Variants in BAG2 observed in about 807,000 individuals in gnomAD.
The protein encoded by BAG2 is BAG family molecular chaperone regulator 2.
In BAG2, 8 loss-of-function variants were observed where a neutral mutation model predicts 16.4. The observed-to-expected ratio is 0.49, with a 90% CI of 0.29 to 0.88. BAG2 has a LOEUF of 0.88. Ranked by LOEUF, BAG2 falls within the 40% of genes least tolerant of loss-of-function variation. The pLI is 0.09. For synonymous variants in BAG2, 82 were observed against 89.2 expected, an observed-to-expected ratio of 0.92 and a Z score of 0.46; for missense variants, 218 against 248.9, an observed-to-expected ratio of 0.88 and a Z score of 0.84.
rs928017845 is a variant in BAG2, at chr6:57,182,201, A to C, written c.223+60A>C. On this transcript the variant is annotated intron_variant, in intron 2 of 2. Transcript: ENST00000370693. ...TACACTCCTTTAAAGAGTTTATGAT[A>C]AGTGTGGGTCAATTTTTGCTTGACT... The C allele has an allele frequency of 7.4e-6, 11 of 1,485,464 alleles. No individual in the cohort carries two copies. In the African/African-American group the frequency reaches 1.5e-4, roughly 21 times the overall value. The allele number at this position is 1,485,464 out of a possible 1,614,324, so 92.0% of individuals were successfully genotyped here. A position where few individuals can be genotyped will look rare whatever the true frequency, so the allele number is the denominator to read the frequency against.
chr6:57,183,959 A>T lies in BAG2; in HGVS notation c.405A>T (p.Leu135Phe), dbSNP rs1356383500. The change falls in exon 3 of 3, where the codon TTA becomes TTT. Residue 135 changes from leucine to phenylalanine, a missense_variant. Physicochemically the swap from Leu to Phe is conservative, Grantham distance 22. Transcript: ENST00000370693. The part of the protein sequence containing the change: ...LDDLGNAKSH[L>F]MSLYSACSSE... ...ATTTGGGAAATGCCAAGAGTCATTT[A>T]ATGTCGCTCTACAGTGCATGTTCAT... is the stretch of plus-strand genomic sequence containing the variant. 1.2e-6 allele frequency: 2 copies of T among 1,613,806 alleles called. No homozygotes were observed. The highest frequency in any genetic ancestry group is 2.7e-5 in the African/African-American group (2 of 74,922).
intron 1 of BAG2, among the ~76,000 whole-genome samples, chr6:57,181,017 A>C (rs192830152): frequency 2.0e-4 from 30 of 152,364 alleles, no homozygotes; most frequent in African/African-American, 7.2e-4. Context: ...GGAAAACACA[A>C]GTTAACACTG....
intron 1 of BAG2, among the ~76,000 whole-genome samples, chr6:57,179,971 A>T (rs568471042): frequency 6.6e-6 from 1 of 152,058 alleles, no homozygotes; most frequent in African/African-American, 2.4e-5. Flanking sequence ...AAAAAAAAAA[A>T]GTAATAGGAT....
chr6:57,188,888 TAGG>T lies in BAG2; in HGVS notation c.*4703_*4705del, dbSNP rs755092368. The T allele has an allele frequency of 6.6e-6, 1 of 152,062 alleles. No homozygotes were observed. The highest frequency in any genetic ancestry group is 1.5e-5 in the Non-Finnish European group (1 of 67,990). 9.4% of individuals were successfully genotyped at this position (152,062 alleles called of 1,614,324 possible). ...CCAGGAAATTTGATTTTCTCAACAT[TAGG>T]AGGATGAGGGGAGTACAGATGGAAA... is the stretch of plus-strand genomic sequence containing the variant. On this transcript the variant is annotated 3_prime_UTR_variant, in exon 3 of 3. Coordinates refer to ENST00000370693, the MANE Select transcript of BAG2 (RefSeq NM_004282.4).
Position 57,183,796 on chromosome 6 carries a change from A to C in BAG2, c.242A>C (p.Asn81Thr), listed in dbSNP as rs1362330168. The C allele has an allele frequency of 6.3e-7, 1 of 1,583,280 alleles. No individual in the cohort carries two copies. Among genetic ancestry groups the C allele is most frequent in the Non-Finnish European group, 8.6e-7 (1 of 1,166,324 alleles). Reference sequence around the variant, plus strand: ...TTTTTAGGAGAAAGAGAAGAATTAAATCTGACTGCAAACCGTTTGATGGGA... The same window carrying C: ...TTTTTAGGAGAAAGAGAAGAATTAACTCTGACTGCAAACCGTTTGATGGGA... ...QISDGEREEL[N>T]LTANRLMGRT... is the part of the protein sequence containing the mutation. Residue 81 changes from asparagine (N) to threonine (T), a missense_variant, in exon 3 of 3, where the codon AAT becomes ACT. By Grantham distance (65) the Asn-to-Thr change is moderately conservative. Transcript: ENST00000370693.
intron 1 of BAG2, 40 bp from the exon 2 acceptor site, chr6:57,181,991 TC>T: frequency 6.5e-7 from 1 of 1,539,118 alleles, no homozygotes; most frequent in Non-Finnish European, 9.0e-7. Flanking sequence ...AGGAAGAACA[TC>T]CTGCATACAA....
chr6:57,179,372 T>C (rs1274491851), intron 1 of BAG2, among the ~76,000 whole-genome samples: 1 of 152,214 alleles, frequency 6.6e-6, no homozygotes, highest in African/African-American at 2.4e-5. Flanking sequence ...CTTTGACATA[T>C]ATTTAATATC....
Position 57,172,479 on chromosome 6 carries a change from C to A in BAG2, c.-219C>A. On this transcript the variant is annotated 5_prime_UTR_variant, in exon 1 of 3. Coordinates refer to ENST00000370693, the MANE Select transcript of BAG2 (RefSeq NM_004282.4). ...AACTCCAGCCGCTGCAGCCCCCTCC[C>A]AGGCCCGGCGTCCCCGAGCCCCGCG... 5.1e-6 allele frequency: 2 copies of A among 391,252 alleles called. No individual in the cohort carries two copies. The highest frequency in any genetic ancestry group is 4.8e-5 in the Admixed American group (1 of 20,848). The allele number at this position is 391,252 out of a possible 1,614,324, so 24.2% of individuals were successfully genotyped here.
chr6:57,173,349 A>T, intron 1 of BAG2: 1 of 985,436 alleles, frequency 1.0e-6, no homozygotes, highest in Non-Finnish European at 1.2e-6. Context: ...AAGATTAGAC[A>T]GGAGTGAGGG....
intron 2 of BAG2, among the ~76,000 whole-genome samples, chr6:57,183,166 C>T (rs1220947908): frequency 6.6e-6 from 1 of 152,138 alleles, no homozygotes; most frequent in Non-Finnish European, 1.5e-5. Context: ...CGCTATCCTG[C>T]CCAAAGATCA....
Position 57,184,267 on chromosome 6 carries a change from CTTT to C in BAG2, c.*78_*80del. 1 of 1,311,130 alleles carries C rather than the reference CTTT, an allele frequency of 7.6e-7. No homozygotes were observed. 81.2% of individuals were successfully genotyped at this position (1,311,130 alleles called of 1,614,324 possible). On this transcript the variant is annotated 3_prime_UTR_variant, in exon 3 of 3. Transcript: ENST00000370693. ...ATACTATTTTAATTGATAACTAGTT[CTTT>C]GTTAGGTATAACCACTTAGTTGACA...
intron 2 of BAG2, 78 bp downstream of exon 2, chr6:57,182,219 G>C: frequency 7.3e-7 from 1 of 1,366,468 alleles, no homozygotes; most frequent in Non-Finnish European, 1.0e-6. Flanking sequence ...GTCAATTTTT[G>C]CTTGACTTTT....
At chr6:57,181,432 C>T (rs1346281970) in intron 1 of BAG2, among the ~76,000 whole-genome samples, 1 of 152,162 alleles carries the variant, frequency 6.6e-6, no homozygotes, top group East Asian at 1.9e-4. Flanking sequence ...TGGCTCACAC[C>T]TGTAATCCCA....
chr6:57,186,581 AC>A lies in BAG2; in HGVS notation c.*2392del, dbSNP rs1764618870. On this transcript the variant is annotated 3_prime_UTR_variant, in exon 3 of 3. Transcript: ENST00000370693. ...TCTGCCTGCCTTGGCCTCCCAAAGT[AC>A]AGGGATTACAGGCATGAGCCACCAC... The A allele has an allele frequency of 6.6e-6, 1 of 152,186 alleles. No homozygotes were observed. Among genetic ancestry groups the A allele is most frequent in the Non-Finnish European group, 1.5e-5 (1 of 68,042 alleles). 9.4% of individuals were successfully genotyped at this position (152,186 alleles called of 1,614,324 possible).
chr6:57,188,386 T>TAAA lies in BAG2; in HGVS notation c.*4198_*4200dup, dbSNP rs1463931158. On this transcript the variant is annotated 3_prime_UTR_variant, in exon 3 of 3. Coordinates refer to ENST00000370693, the MANE Select transcript of BAG2 (RefSeq NM_004282.4). The stretch of plus-strand genomic sequence containing the variant: ...TTAAAAAAAGATAAAACTAGGTACA[T>TAAA]AAAATTATATTACAGGAACTGTAAC... The TAAA allele has an allele frequency of 6.6e-6, 1 of 152,150 alleles. No homozygotes were observed. The highest frequency in any genetic ancestry group is 1.5e-5 in the Non-Finnish European group (1 of 67,996). The allele number at this position is 152,150 out of a possible 1,614,324, so 9.4% of individuals were successfully genotyped here.
intron 2 of BAG2, among the ~76,000 whole-genome samples, chr6:57,182,530 CAAAAAAA>C (rs758049333): frequency 2.4e-5 from 1 of 41,608 alleles, no homozygotes; most frequent in South Asian, 7.7e-4. Context: ...AAGTAGAGAC[CAAAAAAA>C]AAAAAAAAAA....
At position 57,184,759 on chromosome 6, in the gene BAG2, A is replaced by G. The variant is rs1489922877; in HGVS notation, c.*569A>G. 3 of 152,664 alleles carry G rather than the reference A, an allele frequency of 2.0e-5. No individual in the cohort carries two copies. Among genetic ancestry groups the G allele is most frequent in the Non-Finnish European group, 2.9e-5 (2 of 68,034 alleles). 9.5% of individuals were successfully genotyped at this position (152,664 alleles called of 1,614,324 possible). A position where few individuals can be genotyped will look rare whatever the true frequency, so the allele number is the denominator to read the frequency against. ...ATAATATGAATGTATTTTTTGATAT[A>G]CAAGAAACTGACATAAAATGTGAGA... On this transcript the variant is annotated 3_prime_UTR_variant, in exon 3 of 3. Coordinates refer to ENST00000370693, the MANE Select transcript of BAG2 (RefSeq NM_004282.4).
Position 57,172,493 on chromosome 6 carries a change from C to G in BAG2, c.-205C>G, listed in dbSNP as rs891026293. The G allele has an allele frequency of 2.4e-6, 1 of 413,994 alleles. No homozygotes were observed. The highest frequency in any genetic ancestry group is 2.1e-5 in the African/African-American group (1 of 47,520). The allele number at this position is 413,994 out of a possible 1,614,324, so 25.6% of individuals were successfully genotyped here. ...CAGCCCCCTCCCAGGCCCGGCGTCC[C>G]CGAGCCCCGCGGGCGCCGCGCCTGC... On this transcript the variant is annotated 5_prime_UTR_variant, in exon 1 of 3. Transcript: ENST00000370693.
rs965219834 is a variant in BAG2, at chr6:57,185,005, C to G, written c.*815C>G. On this transcript the variant is annotated 3_prime_UTR_variant, in exon 3 of 3. Coordinates refer to ENST00000370693, the MANE Select transcript of BAG2 (RefSeq NM_004282.4). ...TTATGGACATTTAGGTTGTTTCCAA[C>G]TTGTTGCTATTACTGCAACATATTT... is the stretch of plus-strand genomic sequence containing the variant. The G allele has an allele frequency of 6.6e-6, 1 of 152,148 alleles. No individual in the cohort carries two copies. The highest frequency in any genetic ancestry group is 2.4e-5 in the African/African-American group (1 of 41,436). The allele number at this position is 152,148 out of a possible 1,614,324, so 9.4% of individuals were successfully genotyped here. A position where few individuals can be genotyped will look rare whatever the true frequency, so the allele number is the denominator to read the frequency against.
Sources: allele counts gnomAD v4.1 joint callset (sites outside exome capture counted in the v4.1 genomes callset), GRCh38; gene constraint gnomAD v4.1.1; transcripts MANE v1.5; gene names NCBI Gene and HGNC (gene_info 2026-07-23, HGNC 2026-07-21).